The following CPNE5 variants were observed in gnomAD, a reference collection of about 807,000 sequenced individuals.
The protein encoded by CPNE5 is copine-5.
In CPNE5, 42 loss-of-function variants were observed where a neutral mutation model predicts 81.1. The observed-to-expected ratio is 0.52, with a 90% confidence interval of 0.40 to 0.67. The LOEUF (loss-of-function observed/expected upper bound fraction) is 0.67. Ranked by LOEUF, CPNE5 falls within the 30% of genes least tolerant of loss-of-function variation. CPNE5 has a pLI of 0.00. For synonymous variants in CPNE5, 313 were observed against 321.5 expected (o/e 0.97, Z 0.28); for missense variants, 612 against 815.5 (o/e 0.75, Z 3.04).
rs1766454387 is a variant in CPNE5 at position 36,765,259 on chromosome 6, C to A, written c.779+76G>T. 3.9e-6 allele frequency: 6 copies of A among 1,537,084 alleles called. No homozygotes were observed. The South Asian group carries it at 5.7e-5, about 15-fold the overall frequency. ...TGCGGGGGGGAGCCTGGTCACAGCT[C>A]CGCATGGGAGGGCAGGGCCCAGTGG... On this transcript the variant is annotated intron_variant, in intron 11 of 20. Transcript: ENST00000244751.
intron 1 of CPNE5, among the ~76,000 whole-genome samples, chr6:36,837,038 T>C (rs1294950556): frequency 6.6e-6 from 1 of 152,194 alleles, no homozygotes; most frequent in East Asian, 1.9e-4. Context: ...CAGGAAGGCC[T>C]CTTATGCAAG....
chr6:36,802,415 C>T (rs1220287323), intron 3 of CPNE5, among the ~76,000 whole-genome samples: 3 of 151,880 alleles, frequency 2.0e-5, no homozygotes, highest in African/African-American at 7.3e-5. Context: ...ATGATCACAC[C>T]ACTGCACTCC....
chr6:36,838,777 T>G, intron 1 of CPNE5: 3 of 983,322 alleles, frequency 3.1e-6, no homozygotes, highest in Non-Finnish European at 3.6e-6. Context: ...TTTAAAATCC[T>G]AGAGTCTAGG....
intron 8 of CPNE5, among the ~76,000 whole-genome samples, chr6:36,781,303 T>G (rs1212596995): frequency 6.6e-6 from 1 of 152,076 alleles, no homozygotes; most frequent in Non-Finnish European, 1.5e-5. Context: ...ATCTAGGACC[T>G]CAGGCCCTGA....
chr6:36,796,317 T>TC (rs1485018562), intron 6 of CPNE5, among the ~76,000 whole-genome samples: 1 of 152,208 alleles, frequency 6.6e-6, no homozygotes, highest in Non-Finnish European at 1.5e-5. Flanking sequence ...ATAGGAAGTC[T>TC]CCCTCAATAC....
chr6:36,784,229 C>A (rs1048756199), intron 8 of CPNE5, among the ~76,000 whole-genome samples: 1 of 152,186 alleles, frequency 6.6e-6, no homozygotes, highest in Non-Finnish European at 1.5e-5. Context: ...ACAATCTAGA[C>A]CCAGAAACAT....
intron 3 of CPNE5, 69 bp from the exon 4 acceptor site, chr6:36,800,139 G>T (rs1251984306): frequency 1.8e-6 from 2 of 1,110,618 alleles, no homozygotes; most frequent in Non-Finnish European, 2.6e-6. Flanking sequence ...GCAGGGGAGA[G>T]CACTGGGCTC....
rs1425951362 is a variant in CPNE5, at chr6:36,756,661, C to T, written c.856-363G>A. Among the ~76,000 whole-genome samples, 5 of 152,202 alleles carry T rather than the reference C, an allele frequency of 3.3e-5. No homozygotes were observed. In the South Asian group the frequency reaches 6.2e-4, roughly 19 times the overall value. ...CTGTCCCTTGTGTTGGTTGAGGCTGCTCCCCTCACCAAAAATGCACCCCCT... is the reference window on the plus strand; with the variant it reads ...CTGTCCCTTGTGTTGGTTGAGGCTGTTCCCCTCACCAAAAATGCACCCCCT... On this transcript the variant is annotated intron_variant, in intron 12 of 20. Coordinates refer to ENST00000244751, the MANE Select transcript of CPNE5 (RefSeq NM_020939.2).
intron 3 of CPNE5, among the ~76,000 whole-genome samples, chr6:36,801,435 G>A (rs1055987142): frequency 1.3e-5 from 2 of 152,166 alleles, no homozygotes; most frequent in African/African-American, 4.8e-5. Context: ...GTCCCCTGGA[G>A]GCTCCATAGG....
chr6:36,791,767 C>T (rs1361523513), intron 8 of CPNE5, among the ~76,000 whole-genome samples: 1 of 152,142 alleles, frequency 6.6e-6, no homozygotes, highest in East Asian at 1.9e-4. Context: ...GGGGAGGGAG[C>T]CCTGGCATGG....
At chr6:36,808,804 C>T (rs1003890815) in intron 3 of CPNE5, among the ~76,000 whole-genome samples, 13 of 152,190 alleles carry the variant, frequency 8.5e-5, no homozygotes, top group African/African-American at 3.1e-4. Flanking sequence ...TAACAACCTT[C>T]CGAAGCAGAA....
rs1031980238 is a variant in CPNE5, at chr6:36,798,218, G to A, written c.351C>T (p.Cys117=). ...GGGACCCCACAATCTCTCCAAGGGTGCAGAAGGCCTGGCCCAGGAAATCCT... is the reference window on the plus strand; with the variant it reads ...GGGACCCCACAATCTCTCCAAGGGTACAGAAGGCCTGGCCCAGGAAATCCT... ...SKHDFLGQAF[C]TLGEIVGSPG... The change falls in exon 6 of 21, where the codon TGC becomes TGT. Residue 117 remains cysteine, a synonymous_variant. Transcript: ENST00000244751. 11 of 1,613,666 alleles carry A rather than the reference G, an allele frequency of 6.8e-6. No homozygotes were observed. Among genetic ancestry groups the A allele is most frequent in the Non-Finnish European group, 9.3e-6 (11 of 1,179,860 alleles).
intron 11 of CPNE5, among the ~76,000 whole-genome samples, chr6:36,764,080 ACCCCCCCACCCC>A (rs1766323241): frequency 1.3e-3 from 63 of 49,922 alleles, no homozygotes; most frequent in Non-Finnish European, 1.5e-3. Context: ...CTGGGGCCCC[ACCCCCCCACCCC>A]CCACCGTGAG....
intron 1 of CPNE5, among the ~76,000 whole-genome samples, chr6:36,834,145 G>T: frequency 6.6e-6 from 1 of 150,776 alleles, no homozygotes; most frequent in Admixed American, 6.6e-5. Flanking sequence ...TGTAGTCCTG[G>T]CAACTCAGGA....
intron 9 of CPNE5, among the ~76,000 whole-genome samples, chr6:36,775,357 C>T (rs236423): frequency 0.076 from 11,620 of 152,244 alleles, 524 homozygotes; most frequent in Middle Eastern, 0.2. Flanking sequence ...GCCACCTCAC[C>T]GTGTGACCTT....
chr6:36,742,157 C>T lies in CPNE5; in HGVS notation c.*111G>A. 2.5e-6 allele frequency: 2 copies of T among 790,510 alleles called. No individual in the cohort carries two copies. The highest frequency in any genetic ancestry group is 3.9e-6 in the Non-Finnish European group (2 of 509,120). 49.0% of individuals were successfully genotyped at this position (790,510 alleles called of 1,614,324 possible). A position where few individuals can be genotyped will look rare whatever the true frequency, so the allele number is the denominator to read the frequency against. The stretch of plus-strand genomic sequence containing the variant: ...CCCCACCCCCTGGCAGCCTCCCAGG[C>T]ACACAGATGTCCCAAAGGCCGGGCA... On this transcript the variant is annotated 3_prime_UTR_variant, in exon 21 of 21. Transcript: ENST00000244751.
At chr6:36,825,976 T>C (rs191235295) in intron 1 of CPNE5, among the ~76,000 whole-genome samples, 185 of 152,302 alleles carry the variant, frequency 1.2e-3, no homozygotes, top group African/African-American at 4.4e-3. Context: ...AGAGGTCACC[T>C]TTCCCAACTC....
chr6:36,837,842 A>C (rs1393201242), intron 1 of CPNE5, among the ~76,000 whole-genome samples: 1 of 152,034 alleles, frequency 6.6e-6, no homozygotes, highest in Non-Finnish European at 1.5e-5. Context: ...TGCCAGGCGC[A>C]GGGATGTGCG....
At chr6:36,744,647 A>C in intron 18 of CPNE5, 1 of 480,652 alleles carries the variant, frequency 2.1e-6, no homozygotes, top group Non-Finnish European at 3.8e-6. Context: ...AGCTTCCCCA[A>C]CTCTGAGCCT....
Sources: allele counts gnomAD v4.1 joint callset (sites outside exome capture counted in the v4.1 genomes callset), GRCh38; gene constraint gnomAD v4.1.1; transcripts MANE v1.5; gene names NCBI Gene and HGNC (gene_info 2026-07-23, HGNC 2026-07-21).